TNC: variants seen among roughly 807,000 people sequenced by gnomAD.
TNC encodes the protein tenascin.
TNC carries 109 observed loss-of-function variants against 202.4 expected under a neutral mutation model. The ratio of observed to expected loss-of-function variants is 0.54; its 90% CI spans 0.46 to 0.63. The LOEUF (loss-of-function observed/expected upper bound fraction) is 0.63. TNC is among the 30% of genes least tolerant of loss of function. The pLI is 0.00. For synonymous variants in TNC, 1,007 were observed against 1,089.7 expected, an observed-to-expected ratio of 0.92 and a Z score of 1.50; for missense variants, 2,756 against 2,833.3, an observed-to-expected ratio of 0.97 and a Z score of 0.62.
intron 1 of TNC, among the ~76,000 whole-genome samples, chr9:115,105,844 T>C (rs531983209): frequency 1.3e-5 from 2 of 152,314 alleles, no homozygotes; most frequent in South Asian, 4.1e-4. Flanking sequence ...CACAACTTTC[T>C]TTACTTCAGG....
Position 115,046,536 on chromosome 9 carries a change from T to C in TNC, c.4999A>G (p.Thr1667Ala). The C allele has an allele frequency of 6.2e-7, 1 of 1,614,106 alleles. No homozygotes were observed. Among genetic ancestry groups the C allele is most frequent in the African/African-American group, 1.3e-5 (1 of 75,028 alleles). The change falls in exon 17 of 28, where the codon ACC (threonine) becomes GCC (alanine). Residue 1667 changes from threonine to alanine, a missense_variant. Physicochemically the swap from Thr to Ala is moderately conservative, Grantham distance 58. This residue lies in a region of TNC where 2,559 missense variants were observed against 2,546.0 expected (regional missense o/e 1.01). Transcript: ENST00000350763. ...CTGGTACGTTCGGGGGCAAGTAGGG[T>C]TATTTCCAGTGGCTCAGACTGCTTT... ...TKKQSEPLEI[T>A]LLAPERTRDI...
In TNC at chr9:115,087,527, G is replaced by GGTGTGT. The variant is rs57327715; in HGVS notation, c.458-260_458-255dup. 0.094 allele frequency among the ~76,000 whole-genome samples: 13,947 copies of GGTGTGT among 148,382 alleles called. 686 individuals carry two copies. Among genetic ancestry groups the GGTGTGT allele is most frequent in the Middle Eastern group, 0.14 (40 of 286 alleles). On this transcript the variant is annotated intron_variant, in intron 2 of 27. Transcript: ENST00000350763. ...AAAACAGTGTGTGATTATGCATAGG[G>GGTGTGT]GTGTGTGTGTGTGTGTGTGTGTGTG...
At chr9:115,110,039 T>G (rs559980004) in intron 1 of TNC, among the ~76,000 whole-genome samples, 38 of 152,138 alleles carry the variant, frequency 2.5e-4, no homozygotes, top group African/African-American at 8.9e-4. Flanking sequence ...TCCAGGATGA[T>G]AAAGGAGATG....
rs561158421 is a variant in TNC at position 115,117,120 on chromosome 9, C to T, written c.-137+862G>A. On this transcript the variant is annotated intron_variant, in intron 1 of 27. Transcript: ENST00000350763. ...AGGATTAAGGAAGTGATGTATCTTT[C>T]TCAGGGTCATATGTATGGTGGTGGG... is the stretch of plus-strand genomic sequence containing the variant. Among the ~76,000 whole-genome samples, 4 of 152,302 alleles carry T rather than the reference C, an allele frequency of 2.6e-5. No homozygotes were observed. In the South Asian group the frequency reaches 8.3e-4, roughly 32 times the overall value.
rs1554786716 is a variant in TNC at position 115,024,140 on chromosome 9, G to A, written c.6332-4C>T. The A allele has an allele frequency of 6.2e-7, 1 of 1,611,394 alleles. No homozygotes were observed. The highest frequency in any genetic ancestry group is 8.5e-7 in the Non-Finnish European group (1 of 1,177,788). On this transcript the variant is annotated splice_region_variant and splice_polypyrimidine_tract_variant and intron_variant, in intron 26 of 27. Coordinates refer to ENST00000350763, the MANE Select transcript of TNC (RefSeq NM_002160.4). Reference sequence around the variant, plus strand: ...TTGTGGTAGGCCATGGAGTCACCTGGGAGAGACAGAAAATATGGACCTGAG... The same window carrying A: ...TTGTGGTAGGCCATGGAGTCACCTGAGAGAGACAGAAAATATGGACCTGAG...
intron 1 of TNC, among the ~76,000 whole-genome samples, chr9:115,097,728 G>A (rs1173704453): frequency 6.6e-6 from 1 of 152,188 alleles, no homozygotes; most frequent in African/African-American, 2.4e-5. Context: ...TAATAATAGT[G>A]GCATCTCCTT....
intron 1 of TNC, among the ~76,000 whole-genome samples, chr9:115,101,597 C>G (rs889153224): frequency 1.3e-5 from 2 of 152,196 alleles, no homozygotes; most frequent in Admixed American, 6.5e-5. Flanking sequence ...ATGGTGCACT[C>G]TCCCAAGCCA....
At chr9:115,060,036 A>C (rs771196831) in intron 13 of TNC, 34 bp from the exon 14 acceptor site, 2 of 1,561,458 alleles carry the variant, frequency 1.3e-6, no homozygotes, top group Admixed American at 3.7e-5. Context: ...TGTCAGTTCT[A>C]TAAACCAAAA....
intron 1 of TNC, among the ~76,000 whole-genome samples, chr9:115,110,588 G>A (rs1836964480): frequency 6.6e-6 from 1 of 152,106 alleles, no homozygotes; most frequent in African/African-American, 2.4e-5. Context: ...TGTGTGTGGG[G>A]TTAGTAAAGA....
intron 1 of TNC, among the ~76,000 whole-genome samples, chr9:115,101,827 T>TG (rs1215564417): frequency 3.3e-5 from 5 of 152,084 alleles, no homozygotes; most frequent in Non-Finnish European, 5.9e-5. Flanking sequence ...GGGAAGTTCA[T>TG]GGGGGGCTTC....
chr9:115,117,800 A>AGGGG (rs1764361139), intron 1 of TNC, among the ~76,000 whole-genome samples, 182 bp downstream of exon 1: 1 of 152,120 alleles, frequency 6.6e-6, no homozygotes, highest in Non-Finnish European at 1.5e-5. Flanking sequence ...AAACAAAATT[A>AGGGG]CAAGACCAGA....
Position 115,064,848 on chromosome 9 carries a change from C to A in TNC, c.3286G>T (p.Ala1096Ser). The part of the protein sequence containing the change: ...GWDGLRLNWT[A>S]ADQAYEHFII... ...AAGTGCTCATAGGCCTGGTCAGCTG[C>A]GGTCCAGTTGAGTCTGAGGCCATCC... The change falls in exon 11 of 28, where the codon GCA becomes TCA. Residue 1096 changes from alanine (A) to serine (S), a missense_variant. Coordinates refer to ENST00000350763, the MANE Select transcript of TNC (RefSeq NM_002160.4). 1 of 1,614,176 alleles carries A rather than the reference C, an allele frequency of 6.2e-7. No homozygotes were observed. The highest frequency in any genetic ancestry group is 1.1e-5 in the South Asian group (1 of 91,080).
chr9:115,026,197 AT>A (rs1293540403), intron 26 of TNC, among the ~76,000 whole-genome samples: 1 of 152,176 alleles, frequency 6.6e-6, no homozygotes, highest in Non-Finnish European at 1.5e-5. Flanking sequence ...GCTGGATTGG[AT>A]GAATATTAAG....
rs11789343 is a variant in TNC at position 115,103,149 on chromosome 9, C to T, written c.-136-11995G>A. ...AAAGTGACAAAGACAGACCTAGCTC[C>T]TTCCCATGAGATTCTAGACATCAAC... On this transcript the variant is annotated intron_variant, in intron 1 of 27. Coordinates refer to ENST00000350763, the MANE Select transcript of TNC (RefSeq NM_002160.4). Among the ~76,000 whole-genome samples, 1,198 of 152,336 alleles carry T rather than the reference C, an allele frequency of 7.9e-3. 5 individuals are homozygous for T. The highest frequency in any genetic ancestry group is 0.013 in the Non-Finnish European group (913 of 68,038).
chr9:115,081,635 C>T lies in TNC; in HGVS notation c.2404+137G>A, dbSNP rs150211036. 282 of 995,778 alleles carry T rather than the reference C, an allele frequency of 2.8e-4. No individual in the cohort carries two copies. The African/African-American group carries it at 4.0e-3, about 14-fold the overall frequency. The allele number at this position is 995,778 out of a possible 1,614,324, so 61.7% of individuals were successfully genotyped here. On this transcript the variant is annotated intron_variant, in intron 6 of 27. Transcript: ENST00000350763. ...CATGCAAAGAATTGTTATTTTAAAC[C>T]ACTGTATCTGGATTTTTAAAAATGC...
At position 115,030,357 on chromosome 9, in the gene TNC, T is replaced by C; in HGVS notation, c.5969A>G (p.Asn1990Ser). The C allele has an allele frequency of 6.2e-7, 1 of 1,614,054 alleles. No homozygotes were observed. Among genetic ancestry groups the C allele is most frequent in the Non-Finnish European group, 8.5e-7 (1 of 1,179,950 alleles). Residue 1990 changes from asparagine (N) to serine (S), a missense_variant, in exon 24 of 28, where the codon AAT (asparagine) becomes AGT (serine). Asn to Ser is a conservative substitution (Grantham distance 46). This residue lies in a region of TNC where 197 missense variants were observed against 287.3 expected (regional missense o/e 0.69). Coordinates refer to ENST00000350763, the MANE Select transcript of TNC (RefSeq NM_002160.4). The stretch of plus-strand genomic sequence containing the variant: ...GTAGAGGCCAGAGGTCGTGTCTCCA[T>C]TCAGCATTGCTTGGGAGCAGTCCTT... ...FPKDCSQAML[N>S]GDTTSGLYTI... is the part of the protein sequence containing the mutation.
Position 115,091,151 on chromosome 9 carries a change from T to C in TNC, c.-133A>G. 1.4e-6 allele frequency: 1 copy of C among 714,112 alleles called. No homozygotes were observed. The highest frequency in any genetic ancestry group is 2.7e-5 in the East Asian group (1 of 36,754). 44.2% of individuals were successfully genotyped at this position (714,112 alleles called of 1,614,324 possible). A position where few individuals can be genotyped will look rare whatever the true frequency, so the allele number is the denominator to read the frequency against. On this transcript the variant is annotated 5_prime_UTR_variant, in exon 2 of 28. Transcript: ENST00000350763. Reference sequence around the variant, plus strand: ...GTCCCTGATCTTCTTGAAAGAATTATTTTCTACAAGCAAAGATGAACAAAA... The same window carrying C: ...GTCCCTGATCTTCTTGAAAGAATTACTTTCTACAAGCAAAGATGAACAAAA...
chr9:115,046,399 A>G lies in TNC; in HGVS notation c.5125+11T>C, dbSNP rs1831195243. The G allele has an allele frequency of 6.2e-7, 1 of 1,613,068 alleles. No individual in the cohort carries two copies. Among genetic ancestry groups the G allele is most frequent in the African/African-American group, 1.3e-5 (1 of 74,782 alleles). ...GACTTTTCTCTGTTCTCTCCTGTTT[A>G]TTTACAGTACCTGTTGTTGCTATAG... is the stretch of plus-strand genomic sequence containing the variant. On this transcript the variant is annotated intron_variant, in intron 17 of 27. Transcript: ENST00000350763.
rs1451436631 is a variant in TNC, at chr9:115,020,710, T to C, written c.*447A>G. On this transcript the variant is annotated 3_prime_UTR_variant, in exon 28 of 28. Transcript: ENST00000350763. ...GAAACAGTATTGCTTTTCTGGTTTC[T>C]GTTGTATGAAATGTAAAAAAAGGGA... 4 of 329,548 alleles carry C rather than the reference T, an allele frequency of 1.2e-5. No homozygotes were observed. 20.4% of individuals were successfully genotyped at this position (329,548 alleles called of 1,614,324 possible).
Sources: gnomAD v4.1 joint callset for allele counts (sites outside exome capture counted in the v4.1 genomes callset) on GRCh38, gnomAD v4.1.1 for gene constraint, gnomAD v4.1.1 regional missense constraint, MANE v1.5 for transcripts, NCBI Gene and HGNC (gene_info 2026-07-23, HGNC 2026-07-21) for gene names.